Variants in TENM2 observed in about 807,000 individuals in gnomAD.
TENM2 encodes the protein teneurin-2.
TENM2 carries 52 observed loss-of-function variants against 245.2 expected under a neutral mutation model. The ratio of observed to expected loss-of-function variants is 0.21; its 90% CI spans 0.17 to 0.27. The LOEUF is 0.27. Ranked by LOEUF, TENM2 falls within the 10% of genes least tolerant of loss-of-function variation. TENM2 has a pLI of 1.00. For missense variants in TENM2, 3,046 were observed against 3,666.8 expected, an observed-to-expected ratio of 0.83 and a Z score of 4.37; for synonymous variants, 1,363 against 1,438.9, an observed-to-expected ratio of 0.95 and a Z score of 1.19.
chr5:168,195,136 C>T, intron 14 of TENM2, 40 bp from the exon 17 acceptor site: 1 of 1,559,136 alleles, frequency 6.4e-7, no homozygotes, highest in South Asian at 1.2e-5. Flanking sequence ...CTCTGTTCTC[C>T]TGCATGTGGC....
intron 2 of TENM2, among the ~76,000 whole-genome samples, chr5:167,839,407 G>A (rs138000946): frequency 3.9e-5 from 6 of 152,266 alleles, no homozygotes; most frequent in South Asian, 2.1e-4. Context: ...ACAGTAAATC[G>A]GTGAACCTGT....
chr5:167,347,554 AG>A (rs1413682236), intron 1 of TENM2, among the ~76,000 whole-genome samples: 1 of 152,208 alleles, frequency 6.6e-6, no homozygotes, highest in African/African-American at 2.4e-5. Context: ...ACTAGGTACT[AG>A]GGTTGCAGTG....
intron 3 of TENM2, among the ~76,000 whole-genome samples, chr5:167,919,864 T>C (rs1011001511): frequency 5.9e-5 from 9 of 152,200 alleles, no homozygotes; most frequent in Admixed American, 3.3e-4. Flanking sequence ...TATCACGACA[T>C]CCAGTTTTAT....
At chr5:167,281,935 G>A (rs1407315951), upstream of TENM2, among the ~76,000 whole-genome samples, 2 of 149,600 alleles carry the variant, frequency 1.3e-5, no homozygotes, top group African/African-American at 2.5e-5. Flanking sequence ...GGGAGGCAGA[G>A]GATGCAGTGA....
At chr5:167,018,973 A>C in the TENM2 span, among the ~76,000 whole-genome samples, 1 of 152,178 alleles carries the variant, frequency 6.6e-6, no homozygotes, top group African/African-American at 2.4e-5. Context: ...ATGTAGCTTC[A>C]TGGAAATGAA....
intron 7 of TENM2, among the ~76,000 whole-genome samples, chr5:168,085,839 C>T (rs564825856): frequency 6.6e-6 from 1 of 152,340 alleles, no homozygotes; most frequent in Non-Finnish European, 1.5e-5. Context: ...ACATGTGCCA[C>T]TTCCCTGCAA....
chr5:167,680,035 C>T (rs989739454), intron 2 of TENM2, among the ~76,000 whole-genome samples: 30 of 152,058 alleles, frequency 2.0e-4, no homozygotes, highest in African/African-American at 7.2e-4. Flanking sequence ...TAACTCCTTA[C>T]CCTGTGTCTT....
intron 9 of TENM2, among the ~76,000 whole-genome samples, chr5:168,105,491 C>T (rs968477589): frequency 1.3e-5 from 2 of 152,128 alleles, no homozygotes; most frequent in Admixed American, 6.5e-5. Flanking sequence ...TCTCCTGGGC[C>T]GTGAGAGACC....
chr5:167,902,287 G>A lies in TENM2; in HGVS notation c.712+26092G>A, dbSNP rs145758039. 6.1e-3 allele frequency among the ~76,000 whole-genome samples: 930 copies of A among 152,300 alleles called. 16 individuals carry two copies. The highest frequency in any genetic ancestry group is 0.021 in the African/African-American group (860 of 41,562). On this transcript the variant is annotated intron_variant, in intron 3 of 28. Transcript: ENST00000518659. Reference sequence around the variant, plus strand: ...AAACACTCAAAGCAAAGTGTAAAAAGTGCTCGACAACTGTTATAAAGGATT... The same window carrying A: ...AAACACTCAAAGCAAAGTGTAAAAAATGCTCGACAACTGTTATAAAGGATT...
At chr5:168,050,822 TG>T (rs1222712434) in intron 6 of TENM2, among the ~76,000 whole-genome samples, 1 of 152,230 alleles carries the variant, frequency 6.6e-6, no homozygotes, top group Admixed American at 6.5e-5. Flanking sequence ...TTCCATTTGT[TG>T]TTGTTCGAGT....
the TENM2 span, among the ~76,000 whole-genome samples, chr5:167,191,700 C>T: frequency 3.9e-5 from 6 of 151,936 alleles, no homozygotes; most frequent in African/African-American, 1.2e-4. Flanking sequence ...TGAGACTATA[C>T]GGTTCTACAA....
At chr5:168,109,101 T>C (rs1794475733) in intron 9 of TENM2, among the ~76,000 whole-genome samples, 1 of 152,180 alleles carries the variant, frequency 6.6e-6, no homozygotes. Context: ...CCATGGACCA[T>C]GACTGCTGCC....
chr5:167,425,755 C>CTGA (rs1229174348), intron 2 of TENM2, among the ~76,000 whole-genome samples: 22 of 152,156 alleles, frequency 1.4e-4, no homozygotes, highest in African/African-American at 4.8e-4. Context: ...GCTGCTGCTG[C>CTGA]TGCTGCTGAT....
chr5:168,018,565 A>T (rs974433461), intron 5 of TENM2, among the ~76,000 whole-genome samples: 1 of 152,062 alleles, frequency 6.6e-6, no homozygotes, highest in African/African-American at 2.4e-5. Context: ...GGACAGTTTT[A>T]TTCAGACTCC....
chr5:167,883,379 C>CGT (rs1292604785), intron 3 of TENM2, among the ~76,000 whole-genome samples: 1 of 152,228 alleles, frequency 6.6e-6, no homozygotes, highest in Non-Finnish European at 1.5e-5. Flanking sequence ...CACATGTGCA[C>CGT]GTGTGTGCAC....
chr5:167,606,613 G>A (rs1260598598), intron 2 of TENM2, among the ~76,000 whole-genome samples: 5 of 152,034 alleles, frequency 3.3e-5, no homozygotes, highest in Non-Finnish European at 7.4e-5. Flanking sequence ...AATGCTAAGA[G>A]GGTAGTTCCC....
chr5:167,742,645 T>A (rs1761263136), intron 2 of TENM2, among the ~76,000 whole-genome samples: 1 of 151,970 alleles, frequency 6.6e-6, no homozygotes, highest in Non-Finnish European at 1.5e-5. Flanking sequence ...CAGATTTGAG[T>A]ATCTGTGTTC....
Position 168,244,477 on chromosome 5 carries a change from ATC to A in TENM2, c.5580_5581del (p.Tyr1861Ter). 1 of 1,602,524 alleles carries A rather than the reference ATC, an allele frequency of 6.2e-7. No individual in the cohort carries two copies. Among genetic ancestry groups the A allele is most frequent in the Non-Finnish European group, 8.5e-7 (1 of 1,172,618 alleles). On this transcript the variant is annotated frameshift_variant, in exon 26 of 29. Coordinates refer to ENST00000518659, the Ensembl canonical transcript of TENM2. LOFTEE classifies it high-confidence loss of function. The surrounding 1 kb of genome is among the most constrained non-coding windows in gnomAD (Gnocchi z 4.9). ...TGATCGAAATATTCGGACTGAAAAG[ATC>A]TATGATGACCACCGGAAGTTCACCC...
intron 4 of TENM2, among the ~76,000 whole-genome samples, chr5:167,985,829 A>G (rs939826385): frequency 6.6e-6 from 1 of 152,212 alleles, no homozygotes; most frequent in Non-Finnish European, 1.5e-5. Flanking sequence ...TTTAAGGTTA[A>G]TGACTAAGTT....
Sources: gnomAD v4.1 joint callset for allele counts (sites outside exome capture counted in the v4.1 genomes callset) on GRCh38, gnomAD v4.1.1 for gene constraint, Gnocchi (gnomAD v3.1) non-coding constraint, MANE v1.5 for transcripts, NCBI Gene and HGNC (gene_info 2026-07-23, HGNC 2026-07-21) for gene names.